The following RASSF3 variants were observed in gnomAD, a reference collection of about 807,000 sequenced individuals.
The protein encoded by RASSF3 is ras association domain-containing protein 3.
Under a neutral mutation model 19.9 loss-of-function variants are expected in RASSF3, and 19 were observed. The ratio of observed to expected loss-of-function variants is 0.96; its 90% CI spans 0.67 to 1.40. RASSF3 has a LOEUF of 1.40. Among genes scored for constraint, RASSF3 ranks in the 40% most tolerant of loss-of-function variants. RASSF3 has a pLI of 0.00. For missense variants in RASSF3, 306 were observed against 289.8 expected, an observed-to-expected ratio of 1.06 and a Z score of -0.41; for synonymous variants, 110 against 104.2, an observed-to-expected ratio of 1.06 and a Z score of -0.34.
At chr12:64,638,419 A>G (rs1383301309) in intron 1 of RASSF3, among the ~76,000 whole-genome samples, 1 of 151,948 alleles carries the variant, frequency 6.6e-6, no homozygotes, top group Non-Finnish European at 1.5e-5. Flanking sequence ...TCTCTACTAA[A>G]AATACAAACA....
At chr12:64,580,685 G>T (rs140131335) in intron 2 of RASSF3, among the ~76,000 whole-genome samples, 6 of 151,688 alleles carry the variant, frequency 4.0e-5, no homozygotes, top group Admixed American at 3.3e-4. Flanking sequence ...CAATAAGGCC[G>T]TGCAACTCTG....
At chr12:64,586,323 CAAAAA>C (rs772277001) in intron 2 of RASSF3, among the ~76,000 whole-genome samples, 1 of 115,610 alleles carries the variant, frequency 8.6e-6, no homozygotes. Context: ...GACTCTGTGT[CAAAAA>C]AAAAAAAAAA....
chr12:64,543,421 G>A (rs775092714), downstream of RASSF3, among the ~76,000 whole-genome samples: 1 of 55,878 alleles, frequency 1.8e-5, no homozygotes. Context: ...CCCGCCCCCC[G>A]GCTCCCCGCC....
At chr12:64,575,115 T>C (rs982189572) in intron 2 of RASSF3, among the ~76,000 whole-genome samples, 2 of 152,212 alleles carry the variant, frequency 1.3e-5, no homozygotes, top group African/African-American at 4.8e-5. Flanking sequence ...AAGAAAGCTG[T>C]CATTTATGTA....
At chr12:64,527,620 T>A (rs1868615987) in intron 1 of RASSF3, among the ~76,000 whole-genome samples, 1 of 152,340 alleles carries the variant, frequency 6.6e-6, no homozygotes, top group African/African-American at 2.4e-5. Context: ...TGATATACGA[T>A]TACATTTTTA....
chr12:64,634,996 ATC>A (rs1296384180), intron 1 of RASSF3, among the ~76,000 whole-genome samples: 2 of 131,916 alleles, frequency 1.5e-5, no homozygotes, highest in Non-Finnish European at 3.1e-5. Context: ...GACAAGATCT[ATC>A]TCTGTCATCC....
At chr12:64,624,889 G>C (rs1277893310) in intron 1 of RASSF3, among the ~76,000 whole-genome samples, 2 of 150,142 alleles carry the variant, frequency 1.3e-5, no homozygotes, top group Non-Finnish European at 1.5e-5. Flanking sequence ...GGATGGTCTC[G>C]ATCTCCTGAC....
chr12:64,549,660 G>T (rs567517723), intron 2 of RASSF3, among the ~76,000 whole-genome samples: 269 of 152,248 alleles, frequency 1.8e-3, no homozygotes, highest in African/African-American at 6.0e-3. Context: ...CCCCTCCTGT[G>T]GGGGGTGTTG....
chr12:64,684,710 C>T (rs1001893222), intron 1 of RASSF3, 77 bp from the exon 2 acceptor site: 64 of 902,604 alleles, frequency 7.1e-5, no homozygotes, highest in Non-Finnish European at 1.0e-4. Flanking sequence ...GGATTACAGG[C>T]GTGAGCCACT....
In RASSF3 at chr12:64,684,754, G is replaced by A. The variant is rs762005897; in HGVS notation, c.112-33G>A. On this transcript the variant is annotated intron_variant, in intron 1 of 4. Coordinates refer to ENST00000542104, the MANE Select transcript of RASSF3 (RefSeq NM_178169.4). ...CCTATCCGCACTTTTTTTTATGATT[G>A]CTCACATGTGACATGTCTTGTTTTT... 26 of 1,456,522 alleles carry A rather than the reference G, an allele frequency of 1.8e-5. No individual in the cohort carries two copies. The Admixed American group carries it at 4.4e-4, about 25-fold the overall frequency. 90.2% of individuals were successfully genotyped at this position (1,456,522 alleles called of 1,614,324 possible).
downstream of RASSF3, among the ~76,000 whole-genome samples, chr12:64,543,021 CG>C (rs1400071489): frequency 2.7e-5 from 3 of 112,830 alleles, 1 homozygote; most frequent in South Asian, 6.4e-4. Flanking sequence ...CTTGGAGTGG[CG>C]GGCCCCGCAC....
chr12:64,638,579 CAA>C (rs544521268), intron 1 of RASSF3, among the ~76,000 whole-genome samples: 12 of 111,556 alleles, frequency 1.1e-4, no homozygotes, highest in Admixed American at 3.9e-4. Flanking sequence ...GACTCCGTCT[CAA>C]AAAAAAAAAA....
intron 2 of RASSF3, among the ~76,000 whole-genome samples, chr12:64,565,249 GGTGT>G (rs1385787410): frequency 6.6e-6 from 1 of 151,920 alleles, no homozygotes; most frequent in Non-Finnish European, 1.5e-5. Context: ...CTGAGGGGAG[GGTGT>G]CTTTTTGCAC....
chr12:64,691,313 G>A (rs1475286404), intron 3 of RASSF3, among the ~76,000 whole-genome samples, 157 bp from the exon 4 acceptor site: 1 of 152,176 alleles, frequency 6.6e-6, no homozygotes, highest in Non-Finnish European at 1.5e-5. Context: ...ATTCCACTGT[G>A]GGCTACTGGT....
intron 1 of RASSF3, among the ~76,000 whole-genome samples, chr12:64,663,936 A>G (rs1380127802): frequency 6.6e-6 from 1 of 150,424 alleles, no homozygotes; most frequent in African/African-American, 2.5e-5. Context: ...AAACCTATAT[A>G]TAAAATATAG....
intron 1 of RASSF3, 87 bp from the exon 2 acceptor site, chr12:64,684,700 G>A (rs1432287082): frequency 4.8e-6 from 4 of 827,720 alleles, no homozygotes; most frequent in Non-Finnish European, 8.2e-6. Flanking sequence ...CAAAGTGCTG[G>A]GATTACAGGC....
intron 1 of RASSF3, among the ~76,000 whole-genome samples, chr12:64,538,061 T>C (rs1868865133): frequency 6.6e-6 from 1 of 151,866 alleles, no homozygotes; most frequent in African/African-American, 2.4e-5. Context: ...TAATCACAGC[T>C]CACAGCAGCC....
At chr12:64,536,601 T>TA (rs143029364) in intron 1 of RASSF3, among the ~76,000 whole-genome samples, 20 of 151,890 alleles carry the variant, frequency 1.3e-4, no homozygotes, top group South Asian at 2.1e-4. Context: ...CCTTGGGACT[T>TA]AAAAAAAATG....
chr12:64,687,453 TTTTTGTTTTG>T, intron 2 of RASSF3, among the ~76,000 whole-genome samples: 1 of 151,900 alleles, frequency 6.6e-6, no homozygotes, highest in Admixed American at 6.6e-5. Context: ...AATTTGTTTT[TTTTTGTTTTG>T]TTTTGTTTTT....
Sources: gnomAD v4.1 joint callset for allele counts (sites outside exome capture counted in the v4.1 genomes callset) on GRCh38, gnomAD v4.1.1 for gene constraint, MANE v1.5 for transcripts, NCBI Gene and HGNC (gene_info 2026-07-23, HGNC 2026-07-21) for gene names.